The following PODXL variants were observed in gnomAD, a reference collection of about 807,000 sequenced individuals.
The protein encoded by PODXL is podocalyxin.
Under a neutral mutation model 48.9 loss-of-function variants are expected in PODXL, and 20 were observed. The observed-to-expected ratio is 0.41, with a 90% CI of 0.29 to 0.59. The LOEUF is 0.59. Ranked by LOEUF, PODXL falls within the 20% of genes least tolerant of loss-of-function variation. The pLI is 0.31. For synonymous variants in PODXL, 295 were observed against 287.4 expected, an observed-to-expected ratio of 1.03 and a Z score of -0.27; for missense variants, 606 against 675.1, an observed-to-expected ratio of 0.90 and a Z score of 1.13.
chr7:131,555,731 T>A (rs1331605890), intron 1 of PODXL, among the ~76,000 whole-genome samples: 2 of 152,096 alleles, frequency 1.3e-5, no homozygotes, highest in East Asian at 1.9e-4. Flanking sequence ...CCTGCACACA[T>A]TACTTAGAAA....
intron 1 of PODXL, among the ~76,000 whole-genome samples, chr7:131,550,733 T>G (rs1418457876): frequency 6.6e-6 from 1 of 152,174 alleles, no homozygotes; most frequent in Non-Finnish European, 1.5e-5. Context: ...CTGAGTTCTA[T>G]TCTGGTATTT....
At position 131,504,415 on chromosome 7, in the gene PODXL, TCTC is replaced by T. The variant is rs779742832; in HGVS notation, c.1570_1572del (p.Glu524del). On this transcript the variant is annotated inframe_deletion, in exon 9 of 9. Coordinates refer to ENST00000378555, the MANE Select transcript of PODXL (RefSeq NM_001018111.3). ...TCCCCGTTGAGGCTGACCACCTTCT[TCTC>T]CTGCATCTCAGAAGAGGTCTCCATC... 9.5e-5 allele frequency: 154 copies of T among 1,614,118 alleles called. 1 individual carries two copies. The African/African-American group carries it at 1.4e-3, about 15-fold the overall frequency.
intron 1 of PODXL, among the ~76,000 whole-genome samples, chr7:131,511,871 G>A (rs1031216359): frequency 1.3e-5 from 2 of 152,150 alleles, no homozygotes; most frequent in African/African-American, 4.8e-5. Flanking sequence ...TGCATGCCCT[G>A]CCCTCCCCGT....
chr7:131,517,039 A>G (rs1406840568), intron 1 of PODXL, among the ~76,000 whole-genome samples: 1 of 152,122 alleles, frequency 6.6e-6, no homozygotes, highest in African/African-American at 2.4e-5. Context: ...AGTGGTTCAT[A>G]AAATAATAGT....
intron 1 of PODXL, among the ~76,000 whole-genome samples, chr7:131,537,588 G>GCC (rs1562915018): frequency 3.5e-4 from 47 of 132,876 alleles, no homozygotes; most frequent in Middle Eastern, 4.2e-3. Context: ...GCAAGACTCC[G>GCC]CCCCACCCCA....
rs201551993 is a variant in PODXL, at chr7:131,505,863, C to T, written c.1479+5G>A. On this transcript the variant is annotated splice_donor_5th_base_variant and intron_variant, in intron 8 of 8. Coordinates refer to ENST00000378555, the MANE Select transcript of PODXL (RefSeq NM_001018111.3). ...TCCCCTGTGTGGCTGCAAACAGCTG[C>T]TTACCTGGTCCTTCCTCTGGGAGAG... The T allele has an allele frequency of 3.3e-5, 52 of 1,556,026 alleles. No individual in the cohort carries two copies. In the East Asian group the frequency reaches 9.7e-4, roughly 29 times the overall value.
intron 1 of PODXL, among the ~76,000 whole-genome samples, chr7:131,544,823 G>A (rs1798546376): frequency 6.6e-6 from 1 of 152,174 alleles, no homozygotes; most frequent in South Asian, 2.1e-4. Flanking sequence ...TAACAAACAA[G>A]CACACTACCC....
chr7:131,508,808 A>G (rs1050505099), intron 5 of PODXL, 143 bp downstream of exon 5: 12 of 696,312 alleles, frequency 1.7e-5, no homozygotes, highest in Non-Finnish European at 3.1e-5. Context: ...ACCACTTCCT[A>G]CTAGGAAGAA....
At chr7:131,544,216 G>T (rs564306205) in intron 1 of PODXL, among the ~76,000 whole-genome samples, 2 of 152,174 alleles carry the variant, frequency 1.3e-5, no homozygotes, top group South Asian at 4.1e-4. Context: ...CTGTGTACAT[G>T]TGGCGCACCC....
chr7:131,518,863 G>C (rs1390135606), intron 1 of PODXL, among the ~76,000 whole-genome samples: 2 of 152,172 alleles, frequency 1.3e-5, no homozygotes, highest in African/African-American at 2.4e-5. Flanking sequence ...AGGCGATGGA[G>C]AAGAAAACTG....
chr7:131,504,719 C>T (rs538161139), intron 8 of PODXL, among the ~76,000 whole-genome samples: 1 of 152,310 alleles, frequency 6.6e-6, no homozygotes, highest in African/African-American at 2.4e-5. Flanking sequence ...CTCACCCTCA[C>T]CCTGGTGGCA....
rs1390542620 is a variant in PODXL at position 131,502,042 on chromosome 7, GTCA to G, written c.*2266_*2268del. The G allele has an allele frequency of 6.6e-6, 1 of 152,178 alleles. No homozygotes were observed. 9.4% of individuals were successfully genotyped at this position (152,178 alleles called of 1,614,324 possible). On this transcript the variant is annotated 3_prime_UTR_variant, in exon 9 of 9. Transcript: ENST00000378555. ...CACTCCTGCTCTCTAGTCCTTGCCA[GTCA>G]TCATCTGTCTCCAAGAGGCCATAGG...
intron 1 of PODXL, among the ~76,000 whole-genome samples, chr7:131,533,676 A>T (rs2116839861): frequency 6.6e-6 from 1 of 152,234 alleles, no homozygotes; most frequent in East Asian, 1.9e-4. Context: ...TCCTGTCCTC[A>T]ACACCTGGGA....
intron 1 of PODXL, among the ~76,000 whole-genome samples, chr7:131,521,245 G>A (rs1268610796): frequency 6.6e-6 from 1 of 152,242 alleles, no homozygotes; most frequent in Admixed American, 6.5e-5. Context: ...CTGAAAAGTG[G>A]AGACAGATGG....
At position 131,556,581 on chromosome 7, in the gene PODXL, CGGCGGCGGCTGCGTCCTG is replaced by C. The variant is rs1324967633; in HGVS notation, c.-240_-223del. On this transcript the variant is annotated 5_prime_UTR_variant, in exon 1 of 9. Transcript: ENST00000378555. ...AGAGCCAGTGGCAGAGGAGCGGCGG[CGGCGGCGGCTGCGTCCTG>C]GGCGGCGTCTGCGCGGCTGCGGCCC... is the stretch of plus-strand genomic sequence containing the variant. 4.8e-6 allele frequency: 2 copies of C among 415,098 alleles called. No individual in the cohort carries two copies. The highest frequency in any genetic ancestry group is 7.7e-6 in the Non-Finnish European group (2 of 260,848). The allele number at this position is 415,098 out of a possible 1,614,324, so 25.7% of individuals were successfully genotyped here.
At chr7:131,515,060 A>G (rs1797969997) in intron 1 of PODXL, among the ~76,000 whole-genome samples, 1 of 152,184 alleles carries the variant, frequency 6.6e-6, no homozygotes, top group South Asian at 2.1e-4. Flanking sequence ...GCCTCTGTCT[A>G]TTAGATGCAA....
rs201501253 is a variant in PODXL at position 131,510,965 on chromosome 7, C to T, written c.569G>A (p.Arg190Gln). The T allele has an allele frequency of 2.7e-5, 44 of 1,614,008 alleles. No homozygotes were observed. The highest frequency in any genetic ancestry group is 3.3e-5 in the Non-Finnish European group (39 of 1,180,006). ...TPHPTSPLSP[R>Q]QPTSTHPVAT... ...CACAGGATGCGTCGAAGTGGGTTGTCGGGGGCTAAGTGGACTTGTAGGGTG... is the reference window on the plus strand; with the variant it reads ...CACAGGATGCGTCGAAGTGGGTTGTTGGGGGCTAAGTGGACTTGTAGGGTG... The change falls in exon 2 of 9, where the codon CGA becomes CAA. Residue 190 changes from arginine to glutamine, a missense_variant. By Grantham distance (43) the Arg-to-Gln change is conservative. Coordinates refer to ENST00000378555, the MANE Select transcript of PODXL (RefSeq NM_001018111.3).
chr7:131,539,248 G>A (rs531416871), intron 1 of PODXL, among the ~76,000 whole-genome samples: 7 of 152,348 alleles, frequency 4.6e-5, no homozygotes, highest in South Asian at 2.1e-4. Flanking sequence ...TGTGTGAGCC[G>A]GGGACCTCTT....
At chr7:131,523,929 G>C (rs1369284265) in intron 1 of PODXL, among the ~76,000 whole-genome samples, 1 of 151,458 alleles carries the variant, frequency 6.6e-6, no homozygotes, top group African/African-American at 2.4e-5. Context: ...TTCCTGAGTG[G>C]CTGGGATTAC....
Sources: allele counts gnomAD v4.1 joint callset (sites outside exome capture counted in the v4.1 genomes callset), GRCh38; gene constraint gnomAD v4.1.1; transcripts MANE v1.5; gene names NCBI Gene and HGNC (gene_info 2026-07-23, HGNC 2026-07-21).